Variants in PLD3 observed in about 807,000 individuals in gnomAD.
PLD3 encodes 5'-3' exonuclease PLD3.
Under a neutral mutation model 58.4 loss-of-function variants are expected in PLD3, and 31 were observed. The ratio of observed to expected loss-of-function variants is 0.53; its 90% CI spans 0.40 to 0.72. The LOEUF is 0.72. Among genes scored for constraint, PLD3 ranks in the 30% least tolerant of loss-of-function variants. PLD3 has a pLI of 0.00. For synonymous variants in PLD3, 264 were observed against 273.4 expected (o/e 0.97, Z 0.34); for missense variants, 595 against 659.8 (o/e 0.90, Z 1.08).
intron 6 of PLD3, among the ~76,000 whole-genome samples, chr19:40,369,379 A>AC: frequency 6.6e-6 from 1 of 152,136 alleles, no homozygotes; most frequent in South Asian, 2.1e-4. Context: ...AAACAAACAA[A>AC]AAAACAAAAA....
rs1460675059 is a variant in PLD3, at chr19:40,370,211, A to C, written c.652A>C (p.Asn218His). ...GACCCACTTCTACCTGGGCAGTGCCAACATGGACTGGCGTTCACTGACCCA... is the reference window on the plus strand; with the variant it reads ...GACCCACTTCTACCTGGGCAGTGCCCACATGGACTGGCGTTCACTGACCCA... ...DQTHFYLGSANMDWRSLTQVK... is the reference protein window; with the variant it reads ...DQTHFYLGSAHMDWRSLTQVK... Residue 218 changes from asparagine to histidine, a missense_variant, in exon 8 of 13, where the codon AAC becomes CAC. Physicochemically the swap from Asn to His is moderately conservative, Grantham distance 68. Coordinates refer to ENST00000409735, the MANE Select transcript of PLD3 (RefSeq NM_012268.4). 4.3e-6 allele frequency: 7 copies of C among 1,613,856 alleles called. No individual in the cohort carries two copies. The highest frequency in any genetic ancestry group is 5.9e-6 in the Non-Finnish European group (7 of 1,179,940).
chr19:40,368,943 AAGTAAT>A (rs2078997085), intron 6 of PLD3, among the ~76,000 whole-genome samples: 1 of 151,704 alleles, frequency 6.6e-6, no homozygotes, highest in Non-Finnish European at 1.5e-5. Context: ...GAAAAAGAAA[AAGTAAT>A]AATAATAATT....
At chr19:40,362,798 A>T (rs1302840389) in intron 1 of PLD3, among the ~76,000 whole-genome samples, 1 of 152,224 alleles carries the variant, frequency 6.6e-6, no homozygotes, top group Non-Finnish European at 1.5e-5. Flanking sequence ...AATACAATTA[A>T]AACATCAAAA....
At position 40,378,237 on chromosome 19, in the gene PLD3, C is replaced by T. The variant is rs1037282982; in HGVS notation, c.*64C>T. 28 of 1,465,078 alleles carry T rather than the reference C, an allele frequency of 1.9e-5. No individual in the cohort carries two copies. Among genetic ancestry groups the T allele is most frequent in the East Asian group, 1.1e-4 (5 of 44,158 alleles). The allele number at this position is 1,465,078 out of a possible 1,614,324, so 90.8% of individuals were successfully genotyped here. A position where few individuals can be genotyped will look rare whatever the true frequency, so the allele number is the denominator to read the frequency against. Reference sequence around the variant, plus strand: ...CCGCGGACCCAGGTGCTCTGGGTCACGGTCCCTGTCCCCGCGCCCCCGCTT... The same window carrying T: ...CCGCGGACCCAGGTGCTCTGGGTCATGGTCCCTGTCCCCGCGCCCCCGCTT... On this transcript the variant is annotated 3_prime_UTR_variant, in exon 13 of 13. Coordinates refer to ENST00000409735, the MANE Select transcript of PLD3 (RefSeq NM_012268.4).
At chr19:40,349,021 CACA>C (rs1224847981) in intron 1 of PLD3, among the ~76,000 whole-genome samples, 1 of 152,036 alleles carries the variant, frequency 6.6e-6, no homozygotes, top group Non-Finnish European at 1.5e-5. Flanking sequence ...TTTAAATCCT[CACA>C]ACTCCTCTTG....
chr19:40,377,729 G>T, intron 11 of PLD3, 57 bp from the exon 12 acceptor site: 2 of 1,256,458 alleles, frequency 1.6e-6, no homozygotes, highest in Non-Finnish European at 2.3e-6. Context: ...CTGATCCCGG[G>T]GCTCCTCCGA....
rs934584642 is a variant in PLD3 at position 40,371,950 on chromosome 19, G to A, written c.879+77G>A. ...CACAGCCTCCATCTGTCCCTGTTTG[G>A]TGATGACAGGGAGGGCGTATCCTGA... On this transcript the variant is annotated intron_variant, in intron 9 of 12. Coordinates refer to ENST00000409735, the MANE Select transcript of PLD3 (RefSeq NM_012268.4). 12 of 1,210,612 alleles carry A rather than the reference G, an allele frequency of 9.9e-6. No homozygotes were observed. In the African/African-American group the frequency reaches 1.3e-4, roughly 14 times the overall value. 75.0% of individuals were successfully genotyped at this position (1,210,612 alleles called of 1,614,324 possible). A position where few individuals can be genotyped will look rare whatever the true frequency, so the allele number is the denominator to read the frequency against.
At chr19:40,353,147 G>A (rs958555355) in intron 1 of PLD3, among the ~76,000 whole-genome samples, 2 of 151,972 alleles carry the variant, frequency 1.3e-5, no homozygotes, top group African/African-American at 4.8e-5. Flanking sequence ...ACTGAGCTCT[G>A]GGTTCAAATT....
rs150423880 is a variant in PLD3, at chr19:40,364,475, G to T, written c.-278-1243G>T. ...CAGCCTGGGCAATAAGCAAGACCCC[G>T]TCTATACAAAATTAAAAAAAAAAAA... On this transcript the variant is annotated intron_variant, in intron 1 of 12. Coordinates refer to ENST00000409735, the MANE Select transcript of PLD3 (RefSeq NM_012268.4). Among the ~76,000 whole-genome samples, 20 of 149,698 alleles carry T rather than the reference G, an allele frequency of 1.3e-4. No homozygotes were observed. The South Asian group carries it at 4.0e-3, about 30-fold the overall frequency.
At position 40,369,894 on chromosome 19, in the gene PLD3, T is replaced by C; in HGVS notation, c.430-14T>C. ...GGCTGGTCCAGCCCCTCAGAAGCTCTCCCCTCCCCGCAGGGTGAGGAGGTC... is the reference window on the plus strand; with the variant it reads ...GGCTGGTCCAGCCCCTCAGAAGCTCCCCCCTCCCCGCAGGGTGAGGAGGTC... On this transcript the variant is annotated splice_polypyrimidine_tract_variant and intron_variant, in intron 6 of 12. Transcript: ENST00000409735. 1 of 1,546,378 alleles carries C rather than the reference T, an allele frequency of 6.5e-7. No individual in the cohort carries two copies. The highest frequency in any genetic ancestry group is 2.4e-5 in the East Asian group (1 of 41,296).
chr19:40,359,780 G>A (rs762425556), intron 1 of PLD3: 7 of 152,218 alleles, frequency 4.6e-5, no homozygotes, highest in Non-Finnish European at 8.8e-5. Context: ...GCTGTTAGGA[G>A]ACTTGACAGT....
At position 40,363,975 on chromosome 19, in the gene PLD3, G is replaced by A. The variant is rs537481592; in HGVS notation, c.-278-1743G>A. 7.2e-5 allele frequency among the ~76,000 whole-genome samples: 11 copies of A among 152,000 alleles called. No homozygotes were observed. In the South Asian group the frequency reaches 8.3e-4, roughly 11 times the overall value. ...TTTAAAAGGTAATGAAACTGGTGAC[G>A]CCTGTGTTTGCTTTATAATTATTTC... On this transcript the variant is annotated intron_variant, in intron 1 of 12. Transcript: ENST00000409735.
chr19:40,378,073 G>C lies in PLD3; in HGVS notation c.1373G>C (p.Ser458Thr), dbSNP rs2079288161. 1.9e-6 allele frequency: 3 copies of C among 1,614,010 alleles called. No individual in the cohort carries two copies. The highest frequency in any genetic ancestry group is 4.5e-5 in the East Asian group (2 of 44,880). Residue 458 changes from serine (S) to threonine (T), a missense_variant, in exon 13 of 13, where the codon AGC becomes ACC. Ser to Thr is a moderately conservative substitution (Grantham distance 58). Transcript: ENST00000409735. Reference sequence around the variant, plus strand: ...CAGAATGGGAGGGGCGGCCTGCGGAGCCAGCTGGAGGCCATTTTCCTGAGG... The same window carrying C: ...CAGAATGGGAGGGGCGGCCTGCGGACCCAGCTGGAGGCCATTTTCCTGAGG... ...VTQNGRGGLR[S>T]QLEAIFLRDW...
In PLD3 at chr19:40,369,996, C is replaced by T; in HGVS notation, c.518C>T (p.Pro173Leu). ...IAVSKPSGPQ[P>L]QADLQALLQS... Reference sequence around the variant, plus strand: ...GTGAGCAAGCCCAGCGGGCCCCAGCCACAGGCGGACCTGCAGGCTCTGCTG... The same window carrying T: ...GTGAGCAAGCCCAGCGGGCCCCAGCTACAGGCGGACCTGCAGGCTCTGCTG... The change falls in exon 7 of 13, where the codon CCA (proline) becomes CTA (leucine). Residue 173 changes from proline (P) to leucine (L), a missense_variant. Transcript: ENST00000409735. 6.4e-7 allele frequency: 1 copy of T among 1,560,580 alleles called. No individual in the cohort carries two copies. The highest frequency in any genetic ancestry group is 8.7e-7 in the Non-Finnish European group (1 of 1,153,244).
chr19:40,373,660 C>T (rs2079121407), intron 9 of PLD3, among the ~76,000 whole-genome samples: 1 of 151,302 alleles, frequency 6.6e-6, no homozygotes. Flanking sequence ...GAGGGGTTCC[C>T]AGTCAAGGCA....
At chr19:40,367,513 C>T (rs527437198) in intron 5 of PLD3, 183 bp from the exon 6 acceptor site, 3 of 530,464 alleles carry the variant, frequency 5.7e-6, no homozygotes, top group South Asian at 5.9e-5. Flanking sequence ...CCCAGGGGTT[C>T]GAGGCTGCAG....
intron 1 of PLD3, among the ~76,000 whole-genome samples, chr19:40,363,070 C>T (rs2078826291): frequency 6.6e-6 from 1 of 151,942 alleles, no homozygotes; most frequent in Non-Finnish European, 1.5e-5. Context: ...AGGCCTTTCT[C>T]CTTATTTTTG....
intron 9 of PLD3, among the ~76,000 whole-genome samples, chr19:40,373,118 G>A (rs919080975): frequency 8.5e-5 from 13 of 152,194 alleles, no homozygotes; most frequent in African/African-American, 3.1e-4. Flanking sequence ...CAAGTTACCT[G>A]TCCAAGCCCA....
intron 9 of PLD3, among the ~76,000 whole-genome samples, chr19:40,373,025 C>G (rs1260538403): frequency 6.6e-6 from 1 of 152,226 alleles, no homozygotes; most frequent in Non-Finnish European, 1.5e-5. Context: ...ACTGATCACT[C>G]TGGACAAGGC....
Sources: allele counts gnomAD v4.1 joint callset (sites outside exome capture counted in the v4.1 genomes callset), GRCh38; gene constraint gnomAD v4.1.1; transcripts MANE v1.5; gene names NCBI Gene and HGNC (gene_info 2026-07-23, HGNC 2026-07-21).